The following SLC7A1 variants were observed in gnomAD, a reference collection of about 807,000 sequenced individuals.
The protein encoded by SLC7A1 is high affinity cationic amino acid transporter 1.
SLC7A1 carries 10 observed loss-of-function variants against 53.9 expected under a neutral mutation model. That is an observed-to-expected ratio of 0.19 (90% CI 0.11 to 0.31). SLC7A1 has a LOEUF of 0.31. Among genes scored for constraint, SLC7A1 ranks in the 10% least tolerant of loss-of-function variants. The pLI, the probability that SLC7A1 is intolerant of heterozygous loss-of-function variation, is 1.00. For missense variants in SLC7A1, 525 were observed against 827.2 expected, an observed-to-expected ratio of 0.63 and a Z score of 4.48; for synonymous variants, 342 against 338.7, an observed-to-expected ratio of 1.01 and a Z score of -0.11.
At chr13:29,575,614 G>A (rs372563396) in intron 1 of SLC7A1, among the ~76,000 whole-genome samples, 9 of 152,234 alleles carry the variant, frequency 5.9e-5, no homozygotes, top group South Asian at 2.1e-4. Context: ...CCCGAATCCC[G>A]TAAAATATCT....
At chr13:29,579,146 G>A (rs1871535781) in intron 1 of SLC7A1, among the ~76,000 whole-genome samples, 1 of 152,176 alleles carries the variant, frequency 6.6e-6, no homozygotes, top group African/African-American at 2.4e-5. Flanking sequence ...GATGAAGCCT[G>A]TATATATTTT....
chr13:29,573,559 C>T (rs1439069128), intron 1 of SLC7A1, among the ~76,000 whole-genome samples: 1 of 152,118 alleles, frequency 6.6e-6, no homozygotes, highest in Non-Finnish European at 1.5e-5. Flanking sequence ...CAAAGTGCAC[C>T]AGGAGCCACA....
chr13:29,576,293 TAA>T (rs3069134), intron 1 of SLC7A1, among the ~76,000 whole-genome samples: 1 of 124,954 alleles, frequency 8.0e-6, no homozygotes, highest in African/African-American at 3.7e-5. Context: ...TCCTGTTTTT[TAA>T]AAAAAAAAAA....
chr13:29,546,877 C>T (rs192215636), intron 2 of SLC7A1, among the ~76,000 whole-genome samples: 2 of 152,328 alleles, frequency 1.3e-5, no homozygotes, highest in African/African-American at 2.4e-5. Flanking sequence ...ACCAGCTCCA[C>T]GCCACACACA....
At chr13:29,535,690 C>T (rs1165830355) in intron 3 of SLC7A1, 129 bp downstream of exon 3, 53 of 876,148 alleles carry the variant, frequency 6.0e-5, no homozygotes, top group Non-Finnish European at 8.9e-5. Context: ...GAATCAGAAA[C>T]ATCCTATTAA....
chr13:29,548,769 A>G (rs533668168), intron 2 of SLC7A1, among the ~76,000 whole-genome samples: 1 of 152,140 alleles, frequency 6.6e-6, no homozygotes, highest in Non-Finnish European at 1.5e-5. Context: ...TTTCATATTG[A>G]TCTATTTGTT....
At position 29,523,172 on chromosome 13, in the gene SLC7A1, T is replaced by C. The variant is rs567489383; in HGVS notation, c.1049+94A>G. 240 of 1,002,562 alleles carry C rather than the reference T, an allele frequency of 2.4e-4. 3 individuals carry two copies. In the South Asian group the frequency reaches 3.1e-3, roughly 13 times the overall value. The allele number at this position is 1,002,562 out of a possible 1,614,324, so 62.1% of individuals were successfully genotyped here. On this transcript the variant is annotated intron_variant, in intron 7 of 12. Transcript: ENST00000380752. ...AAGGGTAAAGAATGCTGGCAGCCGATGTGTGTCTCGCATGGCTGTACCTGG... is the reference window on the plus strand; with the variant it reads ...AAGGGTAAAGAATGCTGGCAGCCGACGTGTGTCTCGCATGGCTGTACCTGG...
At chr13:29,576,551 T>A (rs910042267) in intron 1 of SLC7A1, among the ~76,000 whole-genome samples, 1 of 152,146 alleles carries the variant, frequency 6.6e-6, no homozygotes, top group Admixed American at 6.5e-5. Flanking sequence ...TTGGTGGAGC[T>A]GCAGAAAGTG....
intron 11 of SLC7A1, 97 bp from the exon 12 acceptor site, chr13:29,516,343 A>C: frequency 1.3e-6 from 1 of 782,692 alleles, no homozygotes; most frequent in South Asian, 1.7e-5. Flanking sequence ...TGAGAGTGAC[A>C]GGGACCGTCG....
intron 1 of SLC7A1, among the ~76,000 whole-genome samples, chr13:29,585,089 A>G (rs1268204609): frequency 1.3e-5 from 2 of 152,248 alleles, no homozygotes; most frequent in Admixed American, 1.3e-4. Flanking sequence ...CCCAGTATGC[A>G]AAAGCAAACC....
rs1285751660 is a variant in SLC7A1, at chr13:29,595,559, T to G, written c.-258A>C. ...GGCGCGCGGGGAGAGGAGTGGAGGCTGCGGTTAGCGGGAGCCCGCGGCCGC... is the reference window on the plus strand; with the variant it reads ...GGCGCGCGGGGAGAGGAGTGGAGGCGGCGGTTAGCGGGAGCCCGCGGCCGC... On this transcript the variant is annotated 5_prime_UTR_variant, in exon 1 of 13. Coordinates refer to ENST00000380752, the MANE Select transcript of SLC7A1 (RefSeq NM_003045.5). 1 of 150,242 alleles carries G rather than the reference T, an allele frequency of 6.7e-6. No individual in the cohort carries two copies. Among genetic ancestry groups the G allele is most frequent in the Non-Finnish European group, 1.5e-5 (1 of 67,598 alleles). 9.3% of individuals were successfully genotyped at this position (150,242 alleles called of 1,614,324 possible).
In SLC7A1 at chr13:29,517,829, C is replaced by T. The variant is rs116737496; in HGVS notation, c.1293-39G>A. 6,049 of 1,542,414 alleles carry T rather than the reference C, an allele frequency of 3.9e-3. 179 individuals carry two copies. The African/African-American group carries it at 0.067, about 17-fold the overall frequency. On this transcript the variant is annotated intron_variant, in intron 9 of 12. Coordinates refer to ENST00000380752, the MANE Select transcript of SLC7A1 (RefSeq NM_003045.5). Reference sequence around the variant, plus strand: ...CATTGCGTGACCGCCACATCTGCTTCAAGCAAAATGACGTGCACCAACTCA... The same window carrying T: ...CATTGCGTGACCGCCACATCTGCTTTAAGCAAAATGACGTGCACCAACTCA...
At chr13:29,544,870 G>C (rs1466942167) in intron 2 of SLC7A1, among the ~76,000 whole-genome samples, 2 of 133,754 alleles carry the variant, frequency 1.5e-5, no homozygotes, top group Admixed American at 1.6e-4. Context: ...GCCTCATCGG[G>C]GGGGGGGGGC....
intron 5 of SLC7A1, among the ~76,000 whole-genome samples, chr13:29,528,483 T>C (rs1221237151): frequency 6.6e-6 from 1 of 152,138 alleles, no homozygotes; most frequent in Non-Finnish European, 1.5e-5. Context: ...CAAACCCATG[T>C]GGTCTCACGG....
intron 1 of SLC7A1, among the ~76,000 whole-genome samples, chr13:29,582,668 C>A (rs1871698279): frequency 6.6e-6 from 1 of 152,200 alleles, no homozygotes; most frequent in African/African-American, 2.4e-5. Flanking sequence ...TGCAGTCTCT[C>A]AGACCCCCTC....
chr13:29,563,132 CT>C (rs951996892), intron 1 of SLC7A1, among the ~76,000 whole-genome samples: 14 of 152,328 alleles, frequency 9.2e-5, no homozygotes, highest in African/African-American at 2.6e-4. Flanking sequence ...TGGCTCTCAA[CT>C]GGGGGTGACT....
chr13:29,569,215 G>C (rs1470648977), intron 1 of SLC7A1, among the ~76,000 whole-genome samples: 1 of 152,108 alleles, frequency 6.6e-6, no homozygotes, highest in Non-Finnish European at 1.5e-5. Flanking sequence ...CTGGCAGGGA[G>C]GAGTGAGGCG....
intron 1 of SLC7A1, among the ~76,000 whole-genome samples, chr13:29,577,515 G>A (rs1871458399): frequency 2.0e-5 from 3 of 152,180 alleles, no homozygotes; most frequent in Admixed American, 1.3e-4. Flanking sequence ...CCAAGTAAAG[G>A]GGGACAGGTG....
chr13:29,512,244 T>C lies in SLC7A1; in HGVS notation c.*2236A>G, dbSNP rs1044586671. 1.3e-5 allele frequency: 2 copies of C among 152,240 alleles called. No homozygotes were observed. Among genetic ancestry groups the C allele is most frequent in the Non-Finnish European group, 2.9e-5 (2 of 68,042 alleles). 9.4% of individuals were successfully genotyped at this position (152,240 alleles called of 1,614,324 possible). A position where few individuals can be genotyped will look rare whatever the true frequency, so the allele number is the denominator to read the frequency against. On this transcript the variant is annotated 3_prime_UTR_variant, in exon 13 of 13. Coordinates refer to ENST00000380752, the MANE Select transcript of SLC7A1 (RefSeq NM_003045.5). ...GCATGGGTCCCATCCCTGCCCAGCCTAGGCGTGCTTCTGTGTCCAGCTTTA... is the reference window on the plus strand; with the variant it reads ...GCATGGGTCCCATCCCTGCCCAGCCCAGGCGTGCTTCTGTGTCCAGCTTTA...
Sources: allele counts gnomAD v4.1 joint callset (sites outside exome capture counted in the v4.1 genomes callset), GRCh38; gene constraint gnomAD v4.1.1; transcripts MANE v1.5; gene names NCBI Gene and HGNC (gene_info 2026-07-23, HGNC 2026-07-21).